C12orf50: variants seen among roughly 807,000 people sequenced by gnomAD.
C12orf50 encodes zinc finger CCCH-type containing 11D, also known as uncharacterized protein C12orf50.
A neutral mutation model predicts 61.6 loss-of-function variants in C12orf50; 35 were observed. That is an observed-to-expected ratio of 0.57 (90% CI 0.43 to 0.75). The LOEUF is 0.75. Ranked by LOEUF, C12orf50 falls within the 30% of genes least tolerant of loss-of-function variation. The pLI is 0.00. For synonymous variants in C12orf50, 178 were observed against 161.5 expected (o/e 1.10, Z -0.77); for missense variants, 475 against 488.5 (o/e 0.97, Z 0.26).
intron 7 of C12orf50, among the ~76,000 whole-genome samples, chr12:87,992,119 G>A (rs1416381539): frequency 6.6e-6 from 1 of 152,176 alleles, no homozygotes; most frequent in Non-Finnish European, 1.5e-5. Context: ...TTGAGTCCCA[G>A]TTCTGAGGCT....
rs112197436 is a variant in C12orf50, at chr12:88,019,019, G to A, written c.133+7469C>T. Among the ~76,000 whole-genome samples, 460 of 152,224 alleles carry A rather than the reference G, an allele frequency of 3.0e-3. 4 individuals are homozygous for A. The highest frequency in any genetic ancestry group is 5.6e-3 in the South Asian group (27 of 4,826). On this transcript the variant is annotated intron_variant, in intron 3 of 12. Coordinates refer to ENST00000298699, the MANE Select transcript of C12orf50 (RefSeq NM_152589.3). ...ATGTTAAAATGAGTTAAGACTTTTG[G>A]GGAATGTTGGGAAAGCATGATTGGT...
chr12:88,019,232 A>G (rs1016679549), intron 3 of C12orf50, among the ~76,000 whole-genome samples: 10 of 152,154 alleles, frequency 6.6e-5, no homozygotes, highest in African/African-American at 2.4e-4. Flanking sequence ...ATAGTGAGTA[A>G]GTCTCATGAG....
chr12:88,004,272 G>A (rs561454325), intron 3 of C12orf50, among the ~76,000 whole-genome samples: 1 of 152,066 alleles, frequency 6.6e-6, no homozygotes, highest in East Asian at 1.9e-4. Flanking sequence ...AGACATATAC[G>A]CAGCCAACAA....
At chr12:88,007,793 T>G (rs1486842114) in intron 3 of C12orf50, among the ~76,000 whole-genome samples, 2 of 152,198 alleles carry the variant, frequency 1.3e-5, no homozygotes, top group Non-Finnish European at 2.9e-5. Context: ...AATTGTACTT[T>G]GATATGCAAT....
At chr12:88,004,348 A>ACTAT (rs1428359842) in intron 3 of C12orf50, among the ~76,000 whole-genome samples, 2 of 152,218 alleles carry the variant, frequency 1.3e-5, no homozygotes, top group African/African-American at 4.8e-5. Flanking sequence ...ACAATGAGAT[A>ACTAT]CTATCTCACA....
chr12:88,009,591 G>T (rs1455599072), intron 3 of C12orf50, among the ~76,000 whole-genome samples: 1 of 152,030 alleles, frequency 6.6e-6, no homozygotes, highest in Non-Finnish European at 1.5e-5. Context: ...GAATCTAGTA[G>T]GTAGAAGCTA....
Position 88,026,215 on chromosome 12 carries a change from G to C in C12orf50, c.133+273C>G, listed in dbSNP as rs138660052. 5.8e-4 allele frequency among the ~76,000 whole-genome samples: 88 copies of C among 152,246 alleles called. No individual in the cohort carries two copies. The East Asian group carries it at 0.011, about 18-fold the overall frequency. ...ACACAGCCTCCTTCTATTTAGTGAG[G>C]TCAGTAGCTGTCTTACTTTTCATAT... is the stretch of plus-strand genomic sequence containing the variant. On this transcript the variant is annotated intron_variant, in intron 3 of 12. Transcript: ENST00000298699.
chr12:87,986,568 G>T (rs577478940), intron 9 of C12orf50, 152 bp from the exon 10 acceptor site: 1 of 458,558 alleles, frequency 2.2e-6, no homozygotes, highest in East Asian at 3.6e-5. Flanking sequence ...AGAACAAAAG[G>T]TGATTTATTT....
At chr12:87,986,195 C>A (rs2136404587) in intron 10 of C12orf50, 117 bp downstream of exon 10, 3 of 1,212,536 alleles carry the variant, frequency 2.5e-6, no homozygotes, top group South Asian at 3.0e-5. Context: ...GTTGAGTTGA[C>A]CCCTAAAGTA....
Position 88,027,072 on chromosome 12 carries a change from T to A in C12orf50, c.-108-2A>T. The A allele has an allele frequency of 1.2e-6, 2 of 1,602,380 alleles. No individual in the cohort carries two copies. The highest frequency in any genetic ancestry group is 1.7e-6 in the Non-Finnish European group (2 of 1,176,596). Reference sequence around the variant, plus strand: ...GTGTCGGAATCGGCACTGGGAACCCTAAAAGAAAAAGTAAACAGTGTAGAA... The same window carrying A: ...GTGTCGGAATCGGCACTGGGAACCCAAAAAGAAAAAGTAAACAGTGTAGAA... On this transcript the variant is annotated splice_acceptor_variant, in intron 1 of 12. Transcript: ENST00000298699. LOFTEE classifies it low-confidence loss of function (5UTR_SPLICE).
intron 7 of C12orf50, 26 bp downstream of exon 7, chr12:87,994,607 G>T: frequency 7.0e-7 from 1 of 1,423,792 alleles, no homozygotes; most frequent in South Asian, 1.2e-5. Context: ...ATATATTCAG[G>T]GTCAATCAGT....
At chr12:87,997,044 G>C (rs2031427354) in intron 4 of C12orf50, among the ~76,000 whole-genome samples, 1 of 152,116 alleles carries the variant, frequency 6.6e-6, no homozygotes, top group South Asian at 2.1e-4. Flanking sequence ...ACATATTCCA[G>C]CACAAAGACA....
At chr12:88,006,965 T>C (rs149951946) in intron 3 of C12orf50, among the ~76,000 whole-genome samples, 40 of 152,342 alleles carry the variant, frequency 2.6e-4, no homozygotes, top group African/African-American at 6.7e-4. Flanking sequence ...TAATACGATT[T>C]CATTTGCTGT....
chr12:87,999,742 CATTA>C (rs2031573065), intron 3 of C12orf50, among the ~76,000 whole-genome samples: 1 of 151,992 alleles, frequency 6.6e-6, no homozygotes, highest in Non-Finnish European at 1.5e-5. Flanking sequence ...TTTATATCAA[CATTA>C]TTTATAATAG....
At chr12:88,017,545 A>T (rs539981625) in intron 3 of C12orf50, among the ~76,000 whole-genome samples, 10 of 152,240 alleles carry the variant, frequency 6.6e-5, no homozygotes, top group Non-Finnish European at 1.5e-4. Flanking sequence ...GCACTGCTGG[A>T]AAGATACCCA....
intron 8 of C12orf50, among the ~76,000 whole-genome samples, chr12:87,988,947 C>A (rs568140789): frequency 6.6e-6 from 1 of 152,002 alleles, no homozygotes; most frequent in Non-Finnish European, 1.5e-5. Flanking sequence ...TCACAAACAA[C>A]GTTTTCTAAC....
Position 87,981,930 on chromosome 12 carries a change from A to G in C12orf50, c.1219+1173T>C, listed in dbSNP as rs369286122. Among the ~76,000 whole-genome samples, 5 of 152,246 alleles carry G rather than the reference A, an allele frequency of 3.3e-5. No individual in the cohort carries two copies. The East Asian group carries it at 7.8e-4, about 24-fold the overall frequency. On this transcript the variant is annotated intron_variant, in intron 12 of 12. Coordinates refer to ENST00000298699, the MANE Select transcript of C12orf50 (RefSeq NM_152589.3). The stretch of plus-strand genomic sequence containing the variant: ...GGAACTGCAACACAGCCATACCTCT[A>G]TGCATTGATTCAGTGCTACACATAG...
At chr12:88,015,216 C>T (rs1021700907) in intron 3 of C12orf50, among the ~76,000 whole-genome samples, 8 of 152,148 alleles carry the variant, frequency 5.3e-5, no homozygotes, top group African/African-American at 1.9e-4. Flanking sequence ...TTTTCTAAAA[C>T]ACACACGCAC....
rs11832380 is a variant in C12orf50, at chr12:87,994,815, G to A, written c.482-72C>T. ...TTAAATAAGAAATTTATGATAGAAT[G>A]CATGATGAAAGTAAAAAAGCTTTAA... is the stretch of plus-strand genomic sequence containing the variant. On this transcript the variant is annotated intron_variant, in intron 6 of 12. Coordinates refer to ENST00000298699, the MANE Select transcript of C12orf50 (RefSeq NM_152589.3). 0.022 allele frequency: 20,835 copies of A among 936,456 alleles called. 2,342 individuals are homozygous for A. The African/African-American group carries it at 0.27, about 12-fold the overall frequency. 58.0% of individuals were successfully genotyped at this position (936,456 alleles called of 1,614,324 possible). A position where few individuals can be genotyped will look rare whatever the true frequency, so the allele number is the denominator to read the frequency against.
Sources: gnomAD v4.1 joint callset for allele counts (sites outside exome capture counted in the v4.1 genomes callset) on GRCh38, gnomAD v4.1.1 for gene constraint, MANE v1.5 for transcripts, NCBI Gene and HGNC (gene_info 2026-07-23, HGNC 2026-07-21) for gene names.